Variants in OR10A3 observed in about 807,000 individuals in gnomAD.
OR10A3 encodes olfactory receptor 10A3.
A neutral mutation model predicts 1.5 loss-of-function variants in OR10A3; 1 was observed. The observed-to-expected ratio is 0.66, with a 90% CI of 0.23 to 3.11. OR10A3 has a LOEUF of 3.11. OR10A3 is among the 30% of genes most tolerant of loss of function. OR10A3 has a pLI of 0.21. For synonymous variants in OR10A3, 145 were observed against 143.7 expected (o/e 1.01, Z -0.06); for missense variants, 398 against 369.7 (o/e 1.08, Z -0.63).
chr11:7,940,897 C>A (rs1941433090), intron 1 of OR10A3, among the ~76,000 whole-genome samples: 1 of 152,104 alleles, frequency 6.6e-6, no homozygotes, highest in Non-Finnish European at 1.5e-5. Flanking sequence ...CAGAATTTTA[C>A]TGTGGGACAA....
Position 7,939,384 on chromosome 11 carries a change from G to C in OR10A3, c.137C>G (p.Thr46Arg), listed in dbSNP as rs541099062. Residue 46 changes from threonine (T) to arginine (R), a missense_variant, in exon 2 of 2, where the codon ACA (threonine) becomes AGA (arginine). Transcript: ENST00000642047. Reference sequence around the variant, plus strand: ...GCTCTGGTTTAAGGAGATGATGACTGTAATGATGGCATTTCCCATCAGGGT... The same window carrying C: ...GCTCTGGTTTAAGGAGATGATGACTCTAATGATGGCATTTCCCATCAGGGT... Reference protein sequence around the residue: ...VVTLMGNAIITVIISLNQSLH... With the variant: ...VVTLMGNAIIRVIISLNQSLH... 1 of 1,614,130 alleles carries C rather than the reference G, an allele frequency of 6.2e-7. No homozygotes were observed. Among genetic ancestry groups the C allele is most frequent in the Non-Finnish European group, 8.5e-7 (1 of 1,179,994 alleles).
At position 7,938,289 on chromosome 11, in the gene OR10A3, G is replaced by A. The variant is rs567568599; in HGVS notation, c.*287C>T. The A allele has an allele frequency of 3.5e-5, 8 of 228,686 alleles. No individual in the cohort carries two copies. Among genetic ancestry groups the A allele is most frequent in the Admixed American group, 2.1e-4 (3 of 14,612 alleles). 14.2% of individuals were successfully genotyped at this position (228,686 alleles called of 1,614,324 possible). A position where few individuals can be genotyped will look rare whatever the true frequency, so the allele number is the denominator to read the frequency against. On this transcript the variant is annotated 3_prime_UTR_variant, in exon 2 of 2. Coordinates refer to ENST00000642047, the MANE Select transcript of OR10A3 (RefSeq NM_001003745.2). Reference sequence around the variant, plus strand: ...ATTGCACTCCAGCCTGGGCTGGAGCGAAACTCCATCTCAAAAAAAAAAAAA... The same window carrying A: ...ATTGCACTCCAGCCTGGGCTGGAGCAAAACTCCATCTCAAAAAAAAAAAAA...
Position 7,938,832 on chromosome 11 carries a change from G to T in OR10A3, c.689C>A (p.Ser230Ter). The change falls in exon 2 of 2, where the codon TCA (serine) becomes TAA (stop). Residue 230 changes from serine to a stop codon, truncating the protein, a stop_gained. Coordinates refer to ENST00000642047, the MANE Select transcript of OR10A3 (RefSeq NM_001003745.2). LOFTEE classifies it high-confidence loss of function. ...AAAGGCCTTTTGTCTCCCAGTAGTT[G>T]ATGGCATCTTCAGGATGGCAAACAG... ...RVLFAILKMP[S>*]TTGRQKAFST... 1.9e-6 allele frequency: 3 copies of T among 1,614,194 alleles called. No homozygotes were observed. The highest frequency in any genetic ancestry group is 2.5e-6 in the Non-Finnish European group (3 of 1,180,024).
Position 7,939,071 on chromosome 11 carries a change from G to C in OR10A3, c.450C>G (p.Ile150Met). The part of the protein sequence containing the change: ...VFMKLVIFSW[I>M]SGIMVATVQT... ...GCACAGTAGCCACCATGATCCCTGA[G>C]ATCCATGAGAATATTACTAATTTCA... The change falls in exon 2 of 2, where the codon ATC (isoleucine) becomes ATG (methionine). Residue 150 changes from isoleucine (I) to methionine (M), a missense_variant. Transcript: ENST00000642047. 1 of 1,614,014 alleles carries C rather than the reference G, an allele frequency of 6.2e-7. No homozygotes were observed. The highest frequency in any genetic ancestry group is 1.1e-5 in the South Asian group (1 of 91,066).
At chr11:7,941,211 G>C (rs751724217) in intron 1 of OR10A3, among the ~76,000 whole-genome samples, 1 of 151,990 alleles carries the variant, frequency 6.6e-6, no homozygotes, top group African/African-American at 2.4e-5. Flanking sequence ...ACTAAAAATG[G>C]GCAACTTTTA....
intron 1 of OR10A3, among the ~76,000 whole-genome samples, chr11:7,940,578 C>A (rs1157256947): frequency 6.6e-6 from 1 of 151,952 alleles, no homozygotes; most frequent in African/African-American, 2.4e-5. Flanking sequence ...TAATATCACC[C>A]TCCCTCCGAG....
rs1941373455 is a variant in OR10A3, at chr11:7,937,555, A to G, written c.*1021T>C. 1 of 152,228 alleles carries G rather than the reference A, an allele frequency of 6.6e-6. No homozygotes were observed. The highest frequency in any genetic ancestry group is 1.5e-5 in the Non-Finnish European group (1 of 68,038). 9.4% of individuals were successfully genotyped at this position (152,228 alleles called of 1,614,324 possible). On this transcript the variant is annotated 3_prime_UTR_variant, in exon 2 of 2. Transcript: ENST00000642047. ...TCAGTGGTCTGTAAATGAAAAAGAT[A>G]CTGATATTATCAAATGAGAATTTGA...
intron 1 of OR10A3, among the ~76,000 whole-genome samples, chr11:7,941,156 A>G (rs117989366): frequency 1.3e-3 from 194 of 152,342 alleles, no homozygotes; most frequent in Non-Finnish European, 2.3e-3. Context: ...CTCCAGGCCT[A>G]TAAAACCAAA....
At position 7,937,886 on chromosome 11, in the gene OR10A3, A is replaced by C. The variant is rs1220152154; in HGVS notation, c.*690T>G. 1.3e-5 allele frequency: 2 copies of C among 152,262 alleles called. No individual in the cohort carries two copies. The highest frequency in any genetic ancestry group is 1.3e-4 in the Admixed American group (2 of 15,284). The allele number at this position is 152,262 out of a possible 1,614,324, so 9.4% of individuals were successfully genotyped here. A position where few individuals can be genotyped will look rare whatever the true frequency, so the allele number is the denominator to read the frequency against. Reference sequence around the variant, plus strand: ...AAAGTAATTCTGCAATAGCTAATAAAATTTGTAAACACAGATACTCCTCAT... The same window carrying C: ...AAAGTAATTCTGCAATAGCTAATAACATTTGTAAACACAGATACTCCTCAT... On this transcript the variant is annotated 3_prime_UTR_variant, in exon 2 of 2. Transcript: ENST00000642047.
rs144872793 is a variant in OR10A3, at chr11:7,939,341, G to C, written c.180C>G (p.Tyr60Ter). ...SLNQSLHVPM[Y>*]LFLLNLSVVE... Reference sequence around the variant, plus strand: ...CCACAGATAGGTTCAGGAGGAACAGGTACATGGGAACGTGGAGGCTCTGGT... The same window carrying C: ...CCACAGATAGGTTCAGGAGGAACAGCTACATGGGAACGTGGAGGCTCTGGT... Residue 60 changes from tyrosine (Y) to a stop codon, truncating the protein, a stop_gained, in exon 2 of 2, where the codon TAC (tyrosine) becomes TAG (stop). Transcript: ENST00000642047. LOFTEE classifies it low-confidence loss of function (END_TRUNC). 5 of 1,613,994 alleles carry C rather than the reference G, an allele frequency of 3.1e-6. No individual in the cohort carries two copies. Among genetic ancestry groups the C allele is most frequent in the Non-Finnish European group, 3.4e-6 (4 of 1,180,008 alleles).
chr11:7,941,250 A>C (rs1941438694), intron 1 of OR10A3, among the ~76,000 whole-genome samples: 1 of 152,214 alleles, frequency 6.6e-6, no homozygotes, highest in Non-Finnish European at 1.5e-5. Flanking sequence ...GTTACAAAAC[A>C]AATCTAAATT....
Position 7,939,679 on chromosome 11 carries a change from A to G in OR10A3, c.-159T>C, listed in dbSNP as rs1941412732. ...AGGTTGGCACTTTTGAAGAATGGCC[A>G]ATGACTTGTAATAGTGAATCTTTAA... On this transcript the variant is annotated 5_prime_UTR_variant, in exon 2 of 2. Coordinates refer to ENST00000642047, the MANE Select transcript of OR10A3 (RefSeq NM_001003745.2). 1 of 536,440 alleles carries G rather than the reference A, an allele frequency of 1.9e-6. No individual in the cohort carries two copies. Among genetic ancestry groups the G allele is most frequent in the Non-Finnish European group, 3.2e-6 (1 of 308,300 alleles). 33.2% of individuals were successfully genotyped at this position (536,440 alleles called of 1,614,324 possible).
At chr11:7,941,050 A>T (rs995515011) in intron 1 of OR10A3, among the ~76,000 whole-genome samples, 2 of 152,204 alleles carry the variant, frequency 1.3e-5, no homozygotes, top group African/African-American at 4.8e-5. Flanking sequence ...TTTAACTATA[A>T]CAAAATTTTT....
rs1941388772 is a variant in OR10A3 at position 7,938,602 on chromosome 11, T to C, written c.919A>G (p.Arg307Gly). The change falls in exon 2 of 2, where the codon AGA becomes GGA. Residue 307 changes from arginine (R) to glycine (G), a missense_variant. Arg to Gly is a moderately radical substitution (Grantham distance 125). Transcript: ENST00000642047. The stretch of plus-strand genomic sequence containing the variant: ...CAGAATGTGTGTAAAATCACTTTTC[T>C]TCGCCATAGTTTTATCAAAGTCCTC... The part of the protein sequence containing the change: ...MKRTLIKLWR[R>G]KVILHTF 1 of 1,612,406 alleles carries C rather than the reference T, an allele frequency of 6.2e-7. No homozygotes were observed. The highest frequency in any genetic ancestry group is 2.2e-5 in the East Asian group (1 of 44,880).
rs111609826 is a variant in OR10A3, at chr11:7,941,096, GA to G, written c.-179+490del. Among the ~76,000 whole-genome samples, 427 of 149,734 alleles carry G rather than the reference GA, an allele frequency of 2.9e-3. 4 individuals are homozygous for G. The highest frequency in any genetic ancestry group is 2.7e-3 in the Non-Finnish European group (179 of 67,272). On this transcript the variant is annotated intron_variant, in intron 1 of 1. Coordinates refer to ENST00000642047, the MANE Select transcript of OR10A3 (RefSeq NM_001003745.2). ...AAATCTCCTAAAATAGACTTGGCAG[GA>G]AAAAAAAATGCCTAAGTATCATTTT...
chr11:7,938,912 G>A lies in OR10A3; in HGVS notation c.609C>T (p.Thr203=), dbSNP rs779543281. The A allele has an allele frequency of 2.5e-6, 4 of 1,614,196 alleles. No individual in the cohort carries two copies. The highest frequency in any genetic ancestry group is 3.4e-6 in the Non-Finnish European group (4 of 1,180,026). ...AGAAAGGAACCATAACAATCAAAATGGTGCCTGTGAAGGCATAGATTTCAA... is the reference window on the plus strand; with the variant it reads ...AGAAAGGAACCATAACAATCAAAATAGTGCCTGTGAAGGCATAGATTTCAA... ...FLFEIYAFTG[T]ILIVMVPFLL... Residue 203 remains threonine, a synonymous_variant, in exon 2 of 2, where the codon ACC becomes ACT. Transcript: ENST00000642047.
Position 7,939,121 on chromosome 11 carries a change from C to A in OR10A3, c.400G>T (p.Val134Leu). The change falls in exon 2 of 2, where the codon GTG becomes TTG. Residue 134 changes from valine (V) to leucine (L), a missense_variant. Coordinates refer to ENST00000642047, the MANE Select transcript of OR10A3 (RefSeq NM_001003745.2). ...AAICHPLNYP[V>L]IMNRGVFMKL... ...ATAAAAACCCCTCTGTTCATAATCA[C>A]TGGGTAGTTCAGAGGATGGCAAATT... 1 of 1,614,122 alleles carries A rather than the reference C, an allele frequency of 6.2e-7. No homozygotes were observed. The highest frequency in any genetic ancestry group is 1.1e-5 in the South Asian group (1 of 91,070).
At chr11:7,940,513 C>A (rs1941427909) in intron 1 of OR10A3, among the ~76,000 whole-genome samples, 1 of 152,062 alleles carries the variant, frequency 6.6e-6, no homozygotes, top group African/African-American at 2.4e-5. Context: ...ACCTAACTGG[C>A]TATTCCATGT....
Position 7,939,161 on chromosome 11 carries a change from A to G in OR10A3, c.360T>C (p.Tyr120=). The G allele has an allele frequency of 1.2e-6, 2 of 1,614,256 alleles. No homozygotes were observed. Among genetic ancestry groups the G allele is most frequent in the Non-Finnish European group, 1.7e-6 (2 of 1,180,046 alleles). Residue 120 remains tyrosine, a synonymous_variant, in exon 2 of 2, where the codon TAT becomes TAC. Coordinates refer to ENST00000642047, the MANE Select transcript of OR10A3 (RefSeq NM_001003745.2). ...GATGGCAAATTGCAGCAAATCGGTC[A>G]TAAGCCATCGCTCCCAGGAGAAAAC... is the stretch of plus-strand genomic sequence containing the variant. ...TECFLLGAMA[Y]DRFAAICHPL... is the part of the protein sequence containing the mutation.
Sources: allele counts gnomAD v4.1 joint callset (sites outside exome capture counted in the v4.1 genomes callset), GRCh38; gene constraint gnomAD v4.1.1; transcripts MANE v1.5; gene names NCBI Gene and HGNC (gene_info 2026-07-23, HGNC 2026-07-21).